LRIF1: variants seen among roughly 807,000 people sequenced by gnomAD.
LRIF1 encodes the protein ligand dependent nuclear receptor interacting factor 1.
A neutral mutation model predicts 52.7 loss-of-function variants in LRIF1; 32 were observed. The observed-to-expected ratio is 0.61, with a 90% CI of 0.46 to 0.82. The LOEUF (loss-of-function observed/expected upper bound fraction) is 0.82. LRIF1 is among the 40% of genes least tolerant of loss of function. The probability of loss-of-function intolerance (pLI) is 0.00; values close to 1 mark genes in which losing one functional copy is unlikely to be tolerated. For synonymous variants in LRIF1, 323 were observed against 317.4 expected, an observed-to-expected ratio of 1.02 and a Z score of -0.19; for missense variants, 887 against 892.0, an observed-to-expected ratio of 0.99 and a Z score of 0.07.
At chr1:110,884,887 T>C in the LRIF1 span, among the ~76,000 whole-genome samples, 1 of 152,312 alleles carries the variant, frequency 6.6e-6, no homozygotes, top group African/African-American at 2.4e-5. Flanking sequence ...TCTTGTTTTT[T>C]CAATCCATCT....
intron 1 of LRIF1, among the ~76,000 whole-genome samples, chr1:110,959,716 G>T (rs1431510646): frequency 7.3e-5 from 9 of 122,994 alleles, no homozygotes; most frequent in African/African-American, 2.9e-4. Flanking sequence ...TCCACCTGGC[G>T]ACAGAGCGAG....
rs1308216938 is a variant in LRIF1 at position 110,951,756 on chromosome 1, T to C, written c.1128A>G (p.Pro376=). 1.9e-6 allele frequency: 3 copies of C among 1,613,210 alleles called. No homozygotes were observed. The highest frequency in any genetic ancestry group is 1.3e-5 in the African/African-American group (1 of 74,930). Residue 376 remains proline, a synonymous_variant, in exon 2 of 4, where the codon CCA becomes CCG. Coordinates refer to ENST00000369763, the MANE Select transcript of LRIF1 (RefSeq NM_018372.4). ...CAGAATTCTGTTGGTCAATTTGTGATGGCAGAACATCTGTCCCCTTTTTAG... is the reference window on the plus strand; with the variant it reads ...CAGAATTCTGTTGGTCAATTTGTGACGGCAGAACATCTGTCCCCTTTTTAG... ...LLAKKGTDVL[P]SQIDQQNSVS... is the part of the protein sequence containing the mutation.
downstream of LRIF1, among the ~76,000 whole-genome samples, chr1:110,943,064 A>G (rs1020611875): frequency 1.3e-4 from 20 of 152,030 alleles, no homozygotes; most frequent in African/African-American, 4.3e-4. Context: ...AGGTATGAGG[A>G]AAAAAAAGAT....
At chr1:110,893,194 G>C in the LRIF1 span, among the ~76,000 whole-genome samples, 1 of 152,076 alleles carries the variant, frequency 6.6e-6, no homozygotes, top group African/African-American at 2.4e-5. Flanking sequence ...ACAGAGCTTG[G>C]TGTAACAGTG....
chr1:110,888,829 T>C, the LRIF1 span, among the ~76,000 whole-genome samples: 1 of 152,214 alleles, frequency 6.6e-6, no homozygotes, highest in African/African-American at 2.4e-5. Context: ...CTCAAAGCTG[T>C]AGCACAGCTC....
chr1:110,909,010 G>C, the LRIF1 span, among the ~76,000 whole-genome samples: 1 of 152,076 alleles, frequency 6.6e-6, no homozygotes, highest in East Asian at 1.9e-4. Flanking sequence ...CATGTACAAG[G>C]GCTAACAGTG....
At chr1:110,932,485 T>C in the LRIF1 span, among the ~76,000 whole-genome samples, 1 of 152,212 alleles carries the variant, frequency 6.6e-6, no homozygotes, top group African/African-American at 2.4e-5. Flanking sequence ...TGGTTCCATG[T>C]GAACTTTAAA....
At chr1:110,882,743 A>T in the LRIF1 span, among the ~76,000 whole-genome samples, 3 of 151,960 alleles carry the variant, frequency 2.0e-5, no homozygotes, top group African/African-American at 7.2e-5. Context: ...TCTTTCAGCA[A>T]TGTTTGTTTT....
the LRIF1 span, among the ~76,000 whole-genome samples, chr1:110,926,512 GT>G: frequency 6.6e-6 from 1 of 151,744 alleles, no homozygotes; most frequent in African/African-American, 2.4e-5. Context: ...TTTAATTACT[GT>G]TTTTAATATA....
the LRIF1 span, among the ~76,000 whole-genome samples, chr1:110,883,128 C>T: frequency 6.6e-6 from 1 of 151,886 alleles, no homozygotes; most frequent in Non-Finnish European, 1.5e-5. Context: ...GACTTATTTT[C>T]CTCCTTATAT....
At chr1:110,891,531 T>G in the LRIF1 span, 3 of 1,308,866 alleles carry the variant, frequency 2.3e-6, no homozygotes, top group Non-Finnish European at 2.2e-6. Flanking sequence ...GCTCTCCTCA[T>G]TCCTCTACTG....
chr1:110,899,539 G>T, the LRIF1 span: 5 of 209,548 alleles, frequency 2.4e-5, no homozygotes, highest in Non-Finnish European at 4.8e-5. Flanking sequence ...TCCCATTGTC[G>T]AATTAGTCTC....
At chr1:110,898,347 T>C in the LRIF1 span, among the ~76,000 whole-genome samples, 1 of 140,924 alleles carries the variant, frequency 7.1e-6, no homozygotes, top group Non-Finnish European at 1.5e-5. Flanking sequence ...ACTGCACTCC[T>C]GCCTGGGCGA....
chr1:110,937,449 T>C, the LRIF1 span: 1 of 151,986 alleles, frequency 6.6e-6, no homozygotes, highest in South Asian at 2.1e-4. Context: ...TACAAATACA[T>C]GGAAATTAAA....
intron 1 of LRIF1, chr1:110,963,345 A>T (rs1659045651): frequency 3.9e-6 from 1 of 257,934 alleles, no homozygotes; most frequent in Admixed American, 4.9e-5. Flanking sequence ...CTTGGTTTTC[A>T]TCTCCCGTGG....
At chr1:110,934,893 A>G in the LRIF1 span, among the ~76,000 whole-genome samples, 1 of 152,174 alleles carries the variant, frequency 6.6e-6, no homozygotes, top group Non-Finnish European at 1.5e-5. Context: ...ATCCAGTGCT[A>G]TGCTAGCTTC....
In LRIF1 at chr1:110,957,470, CAAAA is replaced by C. The variant is rs34396800; in HGVS notation, c.69-4659_69-4656del. ...TGGGCGACAAAGCAAGACTCAGTCT[CAAAA>C]AAAAAAAAAAAAAAAAAAGACTGCA... On this transcript the variant is annotated intron_variant, in intron 1 of 3. Coordinates refer to ENST00000369763, the MANE Select transcript of LRIF1 (RefSeq NM_018372.4). 4.7e-4 allele frequency among the ~76,000 whole-genome samples: 20 copies of C among 42,794 alleles called. No homozygotes were observed. In the East Asian group the frequency reaches 0.013, roughly 27 times the overall value. The allele number at this position is 42,794 out of a possible 152,430, so 28.1% of individuals were successfully genotyped here.
chr1:110,902,628 G>C, the LRIF1 span, among the ~76,000 whole-genome samples: 1 of 151,548 alleles, frequency 6.6e-6, no homozygotes, highest in Non-Finnish European at 1.5e-5. Flanking sequence ...AAGGATCAAA[G>C]AGAAGATGTA....
At chr1:110,927,184 G>GTGTAATAATTGTGTAATAATTGTGTAA in the LRIF1 span, among the ~76,000 whole-genome samples, 1 of 152,122 alleles carries the variant, frequency 6.6e-6, no homozygotes, top group South Asian at 2.1e-4. Context: ...TAATTTCTTT[G>GTGTAATAATTGTGTAATAATTGTGTAA]TAAATTCAGA....
Sources: allele counts gnomAD v4.1 joint callset (sites outside exome capture counted in the v4.1 genomes callset), GRCh38; gene constraint gnomAD v4.1.1; transcripts MANE v1.5; gene names NCBI Gene and HGNC (gene_info 2026-07-23, HGNC 2026-07-21).